DMD: variants seen among roughly 807,000 people sequenced by gnomAD.
DMD encodes dystrophin.
DMD carries 63 observed loss-of-function variants against 330.1 expected under a neutral mutation model. The observed-to-expected ratio is 0.19, with a 90% CI of 0.16 to 0.24. The LOEUF (loss-of-function observed/expected upper bound fraction) is 0.24. DMD is among the 10% of genes least tolerant of loss of function. The probability of loss-of-function intolerance (pLI) is 1.00; values close to 1 mark genes in which losing one functional copy is unlikely to be tolerated. For synonymous variants in DMD, 1,223 were observed against 959.8 expected (o/e 1.27, Z -5.07); for missense variants, 3,344 against 2,684.1 (o/e 1.25, Z -5.43).
At chrX:31,385,282 T>C (rs920389167) in intron 60 of DMD, among the ~76,000 whole-genome samples, 3 of 111,959 alleles carry the variant, frequency 2.7e-5, no homozygotes, top group African/African-American at 9.7e-5. Flanking sequence ...CAGTCATTTA[T>C]GCCTGCGCTG....
chrX:31,647,977 T>C (rs926395035), intron 54 of DMD, among the ~76,000 whole-genome samples: 1 of 112,274 alleles, frequency 8.9e-6, no homozygotes, highest in Non-Finnish European at 1.9e-5. Flanking sequence ...GCATAAAACA[T>C]TGGCTGGAAG....
chrX:31,517,588 T>G (rs745576892), intron 55 of DMD, among the ~76,000 whole-genome samples: 1 of 110,944 alleles, frequency 9.0e-6, no homozygotes, highest in East Asian at 2.8e-4. Flanking sequence ...TAATGATTAT[T>G]GGGAGGATGG....
chrX:31,673,844 C>T (rs1469756211), intron 53 of DMD, among the ~76,000 whole-genome samples: 1 of 111,462 alleles, frequency 9.0e-6, no homozygotes, highest in African/African-American at 3.3e-5. Context: ...CCCATTACTA[C>T]CTGTGTTCTA....
Position 32,318,037 on chromosome X carries a change from A to C in DMD, c.5923-7761T>G, listed in dbSNP as rs931951132. ...ATGGATTATTTAAAAGTAATAACAC[A>C]ATGATATGTAAATCCAAAATAGGAC... On this transcript the variant is annotated intron_variant, in intron 41 of 78. Coordinates refer to ENST00000357033, the MANE Select transcript of DMD (RefSeq NM_004006.3). Among the ~76,000 whole-genome samples, 3 of 111,194 alleles carry C rather than the reference A, an allele frequency of 2.7e-5. No individual in the cohort carries two copies. The South Asian group carries it at 1.1e-3, about 42-fold the overall frequency.
intron 48 of DMD, among the ~76,000 whole-genome samples, chrX:31,850,288 T>G (rs1260642207): frequency 1.8e-5 from 2 of 112,628 alleles, no homozygotes; most frequent in South Asian, 3.6e-4. Context: ...TTGTAAACAT[T>G]ATCTATTGTA....
chrX:32,495,816 A>G (rs989916843), intron 19 of DMD, among the ~76,000 whole-genome samples: 3 of 112,076 alleles, frequency 2.7e-5, no homozygotes. Context: ...GAAAAGTTTT[A>G]AGTATCAATC....
chrX:33,279,970 A>ATC (rs1217450454), intron 1 of DMD, among the ~76,000 whole-genome samples: 9 of 108,626 alleles, frequency 8.3e-5, no homozygotes, highest in Non-Finnish European at 3.8e-5. Context: ...ATATCTAGAT[A>ATC]TATGGTTTGC....
chrX:33,160,482 T>C (rs1482214129), intron 1 of DMD, among the ~76,000 whole-genome samples: 1 of 111,574 alleles, frequency 9.0e-6, no homozygotes, highest in Non-Finnish European at 1.9e-5. Context: ...TCACCTGCCT[T>C]CTCAGCCGAG....
chrX:32,690,070 C>CA (rs749874858), intron 9 of DMD, among the ~76,000 whole-genome samples: 185 of 92,085 alleles, frequency 2.0e-3, no homozygotes, highest in South Asian at 3.8e-3. Flanking sequence ...AATAATTAGG[C>CA]AAAAAAAAAA....
chrX:32,380,492 C>T lies in DMD; in HGVS notation c.4845+18G>A. Reference sequence around the variant, plus strand: ...TTTCACGTATGTTCAAAATAACCTTCAGTGATATAGGTTTTACCTTTCCCC... The same window carrying T: ...TTTCACGTATGTTCAAAATAACCTTTAGTGATATAGGTTTTACCTTTCCCC... On this transcript the variant is annotated intron_variant, in intron 34 of 78. Coordinates refer to ENST00000357033, the MANE Select transcript of DMD (RefSeq NM_004006.3). 8.3e-7 allele frequency: 1 copy of T among 1,203,070 alleles called. No homozygotes were observed. Among genetic ancestry groups the T allele is most frequent in the Non-Finnish European group, 1.1e-6 (1 of 888,386 alleles).
intron 55 of DMD, among the ~76,000 whole-genome samples, chrX:31,538,778 A>G (rs1164494763): frequency 9.0e-6 from 1 of 111,366 alleles, no homozygotes; most frequent in East Asian, 2.8e-4. Context: ...CTAGAAGTCA[A>G]AGAACTGAGG....
At chrX:31,355,867 T>A (rs4829219) in intron 60 of DMD, among the ~76,000 whole-genome samples, 1,799 of 65,029 alleles carry the variant, frequency 0.028, 52 homozygotes, top group East Asian at 0.047. Context: ...ACTGAAAAAA[T>A]AATAAAAAAA....
At chrX:31,718,022 A>G (rs6631375) in intron 52 of DMD, among the ~76,000 whole-genome samples, 17,502 of 111,095 alleles carry the variant, frequency 0.16, 1,221 homozygotes, top group Admixed American at 0.32. Context: ...GGGACCCCCA[A>G]TGGCTTTACT....
In DMD at chrX:32,704,705, T is replaced by C. The variant is rs190275253; in HGVS notation, c.650-5412A>G. Among the ~76,000 whole-genome samples, 523 of 111,756 alleles carry C rather than the reference T, an allele frequency of 4.7e-3. 12 individuals carry two copies. Among genetic ancestry groups the C allele is most frequent in the African/African-American group, 0.016 (494 of 30,744 alleles). ...CATCAACCTCCCCACAGGGTTTGTA[T>C]TAGGAAACAAAAATAAATAAATTCA... On this transcript the variant is annotated intron_variant, in intron 7 of 78. Transcript: ENST00000357033.
intron 1 of DMD, among the ~76,000 whole-genome samples, chrX:33,041,152 C>T (rs2147927390): frequency 8.8e-6 from 1 of 113,168 alleles, no homozygotes; most frequent in South Asian, 3.6e-4. Context: ...TAAAATGACA[C>T]ATAATTTAAA....
intron 55 of DMD, among the ~76,000 whole-genome samples, chrX:31,571,711 A>G (rs971604571): frequency 1.8e-5 from 2 of 111,600 alleles, no homozygotes; most frequent in Non-Finnish European, 1.9e-5. Context: ...GACATATTGG[A>G]CCAAATAATT....
chrX:32,935,270 G>A (rs1034412276), intron 2 of DMD, among the ~76,000 whole-genome samples: 2 of 112,597 alleles, frequency 1.8e-5, no homozygotes, highest in Admixed American at 9.3e-5. Flanking sequence ...GAGCCACCGC[G>A]CCCGGCCTCC....
At chrX:32,846,917 A>C (rs896177542) in intron 3 of DMD, among the ~76,000 whole-genome samples, 2 of 108,915 alleles carry the variant, frequency 1.8e-5, no homozygotes, top group Non-Finnish European at 3.8e-5. Flanking sequence ...CGAGGCAGGA[A>C]AATTGCTTGA....
intron 1 of DMD, among the ~76,000 whole-genome samples, chrX:33,301,989 T>C (rs1295683726): frequency 1.8e-5 from 2 of 112,086 alleles, no homozygotes; most frequent in Non-Finnish European, 3.8e-5. Flanking sequence ...AATTTTATTT[T>C]AATATTCATT....
Sources: allele counts gnomAD v4.1 joint callset (sites outside exome capture counted in the v4.1 genomes callset), GRCh38; gene constraint gnomAD v4.1.1; transcripts MANE v1.5; gene names NCBI Gene and HGNC (gene_info 2026-07-23, HGNC 2026-07-21).